The following ZFHX3 variants were observed in gnomAD, a reference collection of about 807,000 sequenced individuals.
The protein encoded by ZFHX3 is zinc finger homeobox protein 3.
ZFHX3 carries 42 observed loss-of-function variants against 279.1 expected under a neutral mutation model. The observed-to-expected ratio is 0.15, with a 90% confidence interval of 0.12 to 0.19. ZFHX3 has a LOEUF of 0.19. Among genes scored for constraint, ZFHX3 ranks in the 10% least tolerant of loss-of-function variants. The pLI, the probability that ZFHX3 is intolerant of heterozygous loss-of-function variation, is 1.00. For missense variants in ZFHX3, 4,981 were observed against 4,754.0 expected (o/e 1.05, Z -1.40); for synonymous variants, 2,293 against 1,957.8 (o/e 1.17, Z -4.52).
chr16:73,697,230 T>C (rs2053205746), intron 1 of ZFHX3, among the ~76,000 whole-genome samples: 1 of 152,118 alleles, frequency 6.6e-6, no homozygotes, highest in Non-Finnish European at 1.5e-5. Context: ...TTTTTTTTTT[T>C]TTAGCAATAG....
intron 1 of ZFHX3, among the ~76,000 whole-genome samples, chr16:73,817,384 G>A (rs115880028): frequency 0.016 from 2,507 of 152,266 alleles, 76 homozygotes; most frequent in African/African-American, 0.057. Flanking sequence ...TGCTCTGGCA[G>A]GTCAATATCC....
At chr16:73,802,234 A>G (rs1434154882) in intron 1 of ZFHX3, among the ~76,000 whole-genome samples, 2 of 152,180 alleles carry the variant, frequency 1.3e-5, no homozygotes, top group Non-Finnish European at 2.9e-5. Context: ...TGTCAGAGAT[A>G]TTAGGCAATT....
chr16:73,509,280 GCACCACCTCA>G (rs1440654183), intron 2 of ZFHX3, among the ~76,000 whole-genome samples: 2 of 151,946 alleles, frequency 1.3e-5, no homozygotes, highest in Admixed American at 1.3e-4. Flanking sequence ...TTTGAAAATG[GCACCACCTCA>G]CTACCATGTA....
intron 1 of ZFHX3, among the ~76,000 whole-genome samples, chr16:72,967,078 T>C (rs1961876505): frequency 6.6e-6 from 1 of 152,238 alleles, no homozygotes; most frequent in Non-Finnish European, 1.5e-5. Context: ...TATTCATCTC[T>C]GAGTCCTCCA....
chr16:73,037,724 A>G (rs1964963542), intron 1 of ZFHX3, among the ~76,000 whole-genome samples: 1 of 152,174 alleles, frequency 6.6e-6, no homozygotes, highest in Admixed American at 6.5e-5. Context: ...GGCACCCAGG[A>G]GCAGAAATAT....
chr16:73,796,055 G>A (rs555606437), intron 1 of ZFHX3, among the ~76,000 whole-genome samples: 2 of 152,306 alleles, frequency 1.3e-5, no homozygotes, highest in South Asian at 2.1e-4. Context: ...AGCAGAGCTT[G>A]GGACATTATT....
chr16:73,561,014 T>C (rs890545945), intron 2 of ZFHX3, among the ~76,000 whole-genome samples: 8 of 152,250 alleles, frequency 5.3e-5, no homozygotes, highest in African/African-American at 9.6e-5. Context: ...CAGGAAGTAT[T>C]ATATAAAGAA....
intron 3 of ZFHX3, among the ~76,000 whole-genome samples, chr16:73,338,751 G>A (rs899673369): frequency 6.6e-6 from 1 of 152,144 alleles, no homozygotes; most frequent in African/African-American, 2.4e-5. Context: ...GTGTGTCCCT[G>A]CTCAAATCTC....
At chr16:73,179,539 G>C (rs1162536501) in intron 5 of ZFHX3, among the ~76,000 whole-genome samples, 2 of 152,014 alleles carry the variant, frequency 1.3e-5, no homozygotes, top group East Asian at 3.9e-4. Flanking sequence ...AAAAATAATA[G>C]AACTAAGTAC....
intron 1 of ZFHX3, among the ~76,000 whole-genome samples, chr16:73,750,487 C>T (rs535692105): frequency 1.6e-4 from 25 of 152,264 alleles, no homozygotes; most frequent in Admixed American, 5.9e-4. Flanking sequence ...ATGTGTGGAT[C>T]TTAGTAACAG....
rs543549252 is a variant in ZFHX3 at position 73,188,028 on chromosome 16, A to AT, written c.-1103-44198dup. Among the ~76,000 whole-genome samples, 244 of 151,962 alleles carry AT rather than the reference A, an allele frequency of 1.6e-3. 2 individuals are homozygous for AT. Among genetic ancestry groups the AT allele is most frequent in the African/African-American group, 5.3e-3 (221 of 41,444 alleles). On this transcript the variant is annotated intron_variant, in intron 5 of 17. Transcript: ENST00000641206. ...AGGCGCCTGCCACCACGCCTGGCTA[A>AT]TTTTTTGTATTTTTAGTGGAGACGG... is the stretch of plus-strand genomic sequence containing the variant.
intron 1 of ZFHX3, among the ~76,000 whole-genome samples, chr16:73,805,447 G>C (rs968364947): frequency 9.2e-5 from 14 of 152,184 alleles, no homozygotes; most frequent in Admixed American, 3.3e-4. Context: ...GGGATTATAG[G>C]TGTGAGCTAC....
chr16:73,020,622 G>A (rs968895488), intron 1 of ZFHX3, among the ~76,000 whole-genome samples: 7 of 152,168 alleles, frequency 4.6e-5, no homozygotes, highest in East Asian at 1.9e-4. Context: ...AATAGTCATC[G>A]AAACTGAAAT....
At chr16:73,764,648 G>A (rs753072015) in intron 1 of ZFHX3, among the ~76,000 whole-genome samples, 8 of 152,160 alleles carry the variant, frequency 5.3e-5, no homozygotes, top group Non-Finnish European at 1.2e-4. Flanking sequence ...TCGTAGTCCA[G>A]CCATATAGGA....
At chr16:73,022,792 G>A (rs1473234815) in intron 1 of ZFHX3, among the ~76,000 whole-genome samples, 1 of 152,142 alleles carries the variant, frequency 6.6e-6, no homozygotes, top group Non-Finnish European at 1.5e-5. Flanking sequence ...CTAAAAAGTA[G>A]ATGTTCCTTC....
intron 1 of ZFHX3, among the ~76,000 whole-genome samples, chr16:73,763,974 T>C (rs1056888826): frequency 1.3e-5 from 2 of 151,982 alleles, no homozygotes; most frequent in Non-Finnish European, 2.9e-5. Flanking sequence ...ATCCTCCAAA[T>C]AAGAACACAG....
exon 1 of ZFHX3, chr16:73,059,466 AT>A (rs1303112405): frequency 7.1e-4 from 98 of 138,072 alleles, no homozygotes; most frequent in South Asian, 3.4e-3. Flanking sequence ...TCTTTTTAAG[AT>A]TTTTTTTTTC....
chr16:73,700,262 T>C (rs2053235040), intron 1 of ZFHX3, among the ~76,000 whole-genome samples: 1 of 152,012 alleles, frequency 6.6e-6, no homozygotes, highest in African/African-American at 2.4e-5. Context: ...TTCTAAAAAG[T>C]TGATGTTACT....
intron 7 of ZFHX3, among the ~76,000 whole-genome samples, chr16:72,810,688 G>A (rs1257923887): frequency 7.2e-5 from 11 of 152,034 alleles, no homozygotes; most frequent in Admixed American, 4.6e-4. Context: ...CCACATTCAC[G>A]AATCAGCAAT....
Sources: gnomAD v4.1 joint callset for allele counts (sites outside exome capture counted in the v4.1 genomes callset) on GRCh38, gnomAD v4.1.1 for gene constraint, MANE v1.5 for transcripts, NCBI Gene and HGNC (gene_info 2026-07-23, HGNC 2026-07-21) for gene names.